The following IL1RAPL1 variants were observed in gnomAD, a reference collection of about 807,000 sequenced individuals.
IL1RAPL1 encodes interleukin 1 receptor accessory protein like 1, also known as interleukin-1 receptor accessory protein-like 1.
In IL1RAPL1, 3 loss-of-function variants were observed where a neutral mutation model predicts 48.4. The ratio of observed to expected loss-of-function variants is 0.06; its 90% confidence interval spans 0.03 to 0.16. IL1RAPL1 has a LOEUF of 0.16. Among genes scored for constraint, IL1RAPL1 ranks in the 10% least tolerant of loss-of-function variants. The probability of loss-of-function intolerance (pLI) is 1.00; values close to 1 mark genes in which losing one functional copy is unlikely to be tolerated. For synonymous variants in IL1RAPL1, 185 were observed against 187.7 expected, an observed-to-expected ratio of 0.99 and a Z score of 0.12; for missense variants, 349 against 530.6, an observed-to-expected ratio of 0.66 and a Z score of 3.36.
At chrX:29,484,438 A>G (rs1045881448) in intron 5 of IL1RAPL1, among the ~76,000 whole-genome samples, 2 of 112,111 alleles carry the variant, frequency 1.8e-5, no homozygotes, top group African/African-American at 6.5e-5. Flanking sequence ...TGAATTTGGG[A>G]ATTAAGTTTC....
intron 3 of IL1RAPL1, among the ~76,000 whole-genome samples, chrX:29,374,286 CTTT>C (rs747182215): frequency 6.3e-4 from 3 of 4,760 alleles, no homozygotes; most frequent in African/African-American, 1.6e-3. Flanking sequence ...TGGTTGGTTG[CTTT>C]TTTTTTTTTT....
At chrX:28,645,073 C>T (rs762823991) in intron 1 of IL1RAPL1, among the ~76,000 whole-genome samples, 9 of 110,257 alleles carry the variant, frequency 8.2e-5, no homozygotes, top group Non-Finnish European at 1.7e-4. Flanking sequence ...AGGGGCCAGG[C>T]GCAGTGGCTC....
chrX:29,782,921 T>TTTC lies in IL1RAPL1; in HGVS notation c.778+114418_778+114419insTCT, dbSNP rs1297300281. Among the ~76,000 whole-genome samples the TTTC allele has an allele frequency of 6.3e-3, 507 of 80,793 alleles. 19 individuals carry two copies. The highest frequency in any genetic ancestry group is 0.029 in the African/African-American group (482 of 16,693). The allele number at this position is 80,793 out of a possible 115,157, so 70.2% of individuals were successfully genotyped here. A position where few individuals can be genotyped will look rare whatever the true frequency, so the allele number is the denominator to read the frequency against. The stretch of plus-strand genomic sequence containing the variant: ...TTTTTTTTTTTTTTTTTTTTTTTTT[T>TTTC]TGAGACGGAGTCTCACTCTGTCGCC... On this transcript the variant is annotated intron_variant, in intron 6 of 10. Coordinates refer to ENST00000378993, the MANE Select transcript of IL1RAPL1 (RefSeq NM_014271.4).
At chrX:29,655,651 CAAAAAAA>C (rs746998144) in intron 5 of IL1RAPL1, among the ~76,000 whole-genome samples, 17 of 26,765 alleles carry the variant, frequency 6.4e-4, no homozygotes, top group Non-Finnish European at 8.9e-4. Flanking sequence ...TGACAGTCTC[CAAAAAAA>C]AAAAAAAAAA....
chrX:29,455,231 A>T (rs1416610603), intron 5 of IL1RAPL1, among the ~76,000 whole-genome samples: 4 of 111,682 alleles, frequency 3.6e-5, no homozygotes, highest in East Asian at 2.8e-4. Flanking sequence ...AAAATTTTTT[A>T]AAAAAAGAAA....
chrX:29,341,085 C>G (rs1933067119), intron 3 of IL1RAPL1, among the ~76,000 whole-genome samples: 3 of 111,895 alleles, frequency 2.7e-5, no homozygotes, highest in Non-Finnish European at 5.6e-5. Context: ...GCTTACTATT[C>G]CTGTGTTCCT....
intron 5 of IL1RAPL1, among the ~76,000 whole-genome samples, chrX:29,595,741 T>G (rs751929092): frequency 8.9e-6 from 1 of 112,395 alleles, no homozygotes; most frequent in Admixed American, 9.4e-5. Flanking sequence ...TTACTTAAAT[T>G]AAGTCCCATC....
At chrX:29,704,298 T>A (rs1408654030) in intron 6 of IL1RAPL1, among the ~76,000 whole-genome samples, 1 of 111,474 alleles carries the variant, frequency 9.0e-6, no homozygotes, top group African/African-American at 3.3e-5. Context: ...AAATGCATTA[T>A]TTATTAATTA....
chrX:29,349,822 A>T (rs1249158171), intron 3 of IL1RAPL1, among the ~76,000 whole-genome samples: 1 of 109,547 alleles, frequency 9.1e-6, no homozygotes, highest in Admixed American at 9.9e-5. Context: ...AATGGTGCTC[A>T]GCGGCAGTAT....
intron 6 of IL1RAPL1, among the ~76,000 whole-genome samples, chrX:29,791,466 C>G (rs1314130235): frequency 9.4e-6 from 1 of 105,956 alleles, no homozygotes; most frequent in Non-Finnish European, 1.9e-5. Flanking sequence ...TCTTGTTGCC[C>G]AGGCTGGAGT....
chrX:28,868,274 G>T (rs180751928), intron 2 of IL1RAPL1, among the ~76,000 whole-genome samples: 1 of 111,710 alleles, frequency 9.0e-6, no homozygotes, highest in African/African-American at 3.2e-5. Context: ...AATCCAGTTA[G>T]TCATTTACTA....
In IL1RAPL1 at chrX:29,164,980, G is replaced by A. The variant is rs935892814; in HGVS notation, c.83-117958G>A. On this transcript the variant is annotated intron_variant, in intron 2 of 10. Transcript: ENST00000378993. ...TCTTTCTGTACTATGCATGCACAGC[G>A]TCTAACTTGTGCTTGTAATTTGTGA... Among the ~76,000 whole-genome samples, 7 of 111,926 alleles carry A rather than the reference G, an allele frequency of 6.3e-5. No homozygotes were observed. In the East Asian group the frequency reaches 8.4e-4, roughly 13 times the overall value.
intron 2 of IL1RAPL1, among the ~76,000 whole-genome samples, chrX:28,892,633 C>T (rs886265550): frequency 2.7e-5 from 3 of 110,009 alleles, no homozygotes; most frequent in Admixed American, 9.8e-5. Context: ...AGTGTTGGGG[C>T]GGCGAAAATT....
intron 2 of IL1RAPL1, among the ~76,000 whole-genome samples, chrX:28,988,400 C>A (rs1925526595): frequency 9.0e-6 from 1 of 110,828 alleles, no homozygotes; most frequent in Non-Finnish European, 1.9e-5. Context: ...CTGCCATGGT[C>A]CCAGATTTTC....
At chrX:29,834,492 A>AC (rs1555925574) in intron 6 of IL1RAPL1, among the ~76,000 whole-genome samples, 5 of 72,762 alleles carry the variant, frequency 6.9e-5, no homozygotes, top group Non-Finnish European at 1.1e-4. Flanking sequence ...AAGAAAAAGG[A>AC]TTTTTTTTTT....
chrX:28,804,268 TG>T (rs147849458), intron 2 of IL1RAPL1, among the ~76,000 whole-genome samples: 1 of 111,595 alleles, frequency 9.0e-6, no homozygotes, highest in Non-Finnish European at 1.9e-5. Context: ...CTGAATTCTC[TG>T]GGGGATTAAA....
rs1452971414 is a variant in IL1RAPL1, at chrX:28,587,704, C to T, written c.-368C>T. The T allele has an allele frequency of 9.1e-6, 1 of 109,317 alleles. No homozygotes were observed. The highest frequency in any genetic ancestry group is 3.9e-4 in the South Asian group (1 of 2,538). The allele number at this position is 109,317 out of a possible 1,213,427, so 9.0% of individuals were successfully genotyped here. Reference sequence around the variant, plus strand: ...TTATTTTCCCCTCTCTTTTTCTGCTCTCTCCTCTCTCAGTCTCTCCTTTTC... The same window carrying T: ...TTATTTTCCCCTCTCTTTTTCTGCTTTCTCCTCTCTCAGTCTCTCCTTTTC... On this transcript the variant is annotated 5_prime_UTR_variant, in exon 1 of 11. Coordinates refer to ENST00000378993, the MANE Select transcript of IL1RAPL1 (RefSeq NM_014271.4).
At chrX:28,977,712 A>T (rs1254741887) in intron 2 of IL1RAPL1, among the ~76,000 whole-genome samples, 3 of 112,545 alleles carry the variant, frequency 2.7e-5, no homozygotes, top group Non-Finnish European at 3.8e-5. Context: ...ACAAGTCAGC[A>T]CTTTGGGAGG....
At chrX:29,606,564 G>A (rs752619314) in intron 5 of IL1RAPL1, among the ~76,000 whole-genome samples, 2 of 111,732 alleles carry the variant, frequency 1.8e-5, no homozygotes, top group Non-Finnish European at 3.8e-5. Flanking sequence ...CTTCAAATTC[G>A]CACATTATTG....
Sources: gnomAD v4.1 joint callset for allele counts (sites outside exome capture counted in the v4.1 genomes callset) on GRCh38, gnomAD v4.1.1 for gene constraint, MANE v1.5 for transcripts, NCBI Gene and HGNC (gene_info 2026-07-23, HGNC 2026-07-21) for gene names.